BICD1: variants seen among roughly 807,000 people sequenced by gnomAD.
BICD1 encodes BICD cargo adaptor 1.
BICD1 carries 35 observed loss-of-function variants against 92.5 expected under a neutral mutation model. The observed-to-expected ratio is 0.38, with a 90% CI of 0.29 to 0.50. BICD1 has a LOEUF of 0.50. Among genes scored for constraint, BICD1 ranks in the 20% least tolerant of loss-of-function variants. BICD1 has a pLI of 0.93. For synonymous variants in BICD1, 429 were observed against 465.1 expected (o/e 0.92, Z 1.00); for missense variants, 950 against 1,189.8 (o/e 0.80, Z 2.97).
At chr12:32,360,636 T>C (rs574129269) in intron 8 of BICD1, among the ~76,000 whole-genome samples, 38 of 152,322 alleles carry the variant, frequency 2.5e-4, no homozygotes, top group African/African-American at 8.9e-4. Context: ...CAGGCATTTT[T>C]TTTTAATATT....
intron 1 of BICD1, chr12:32,107,871 C>G: frequency 1.6e-6 from 1 of 613,886 alleles, no homozygotes; most frequent in Non-Finnish European, 2.9e-6. Context: ...TTCTCAAAAC[C>G]GCTGTTATCT....
At chr12:32,246,029 C>CAAAAAA (rs71068311) in intron 2 of BICD1, among the ~76,000 whole-genome samples, 7 of 44,088 alleles carry the variant, frequency 1.6e-4, no homozygotes, top group South Asian at 1.5e-3. Flanking sequence ...TACTCTGTCT[C>CAAAAAA]AAAAAAAAAA....
At chr12:32,112,836 A>G (rs1358218190) in intron 1 of BICD1, among the ~76,000 whole-genome samples, 1 of 152,184 alleles carries the variant, frequency 6.6e-6, no homozygotes, top group Non-Finnish European at 1.5e-5. Flanking sequence ...ATTTTTACTG[A>G]TAAGAAGATA....
At chr12:32,195,970 A>G (rs1256791391) in intron 1 of BICD1, among the ~76,000 whole-genome samples, 3 of 152,234 alleles carry the variant, frequency 2.0e-5, no homozygotes, top group Admixed American at 6.5e-5. Context: ...GCCCAATTTA[A>G]AAACGGACAA....
At chr12:32,128,871 C>T (rs1038343640) in intron 1 of BICD1, among the ~76,000 whole-genome samples, 1 of 152,062 alleles carries the variant, frequency 6.6e-6, no homozygotes, top group African/African-American at 2.4e-5. Flanking sequence ...CTCCCAGGTT[C>T]AAGCAACCCT....
intron 4 of BICD1, among the ~76,000 whole-genome samples, chr12:32,321,084 G>T (rs1229609899): frequency 6.6e-6 from 1 of 152,074 alleles, no homozygotes; most frequent in African/African-American, 2.4e-5. Flanking sequence ...CCAGCACTTT[G>T]GGAGGCCAAG....
intron 3 of BICD1, among the ~76,000 whole-genome samples, chr12:32,303,684 TACA>T (rs1428159423): frequency 1.3e-5 from 2 of 152,288 alleles, no homozygotes; most frequent in South Asian, 2.1e-4. Context: ...TAGAAGGCTG[TACA>T]ACAACAGAGG....
At chr12:32,245,712 TAA>T (rs1007544193) in intron 2 of BICD1, among the ~76,000 whole-genome samples, 1 of 152,090 alleles carries the variant, frequency 6.6e-6, no homozygotes, top group Non-Finnish European at 1.5e-5. Context: ...GTTACTAGGA[TAA>T]GTGTCCAATT....
intron 4 of BICD1, among the ~76,000 whole-genome samples, chr12:32,317,853 T>G (rs1388882494): frequency 6.6e-6 from 1 of 152,004 alleles, no homozygotes; most frequent in Non-Finnish European, 1.5e-5. Context: ...AGGTCTAACA[T>G]TTAAGTCTTT....
At position 32,364,875 on chromosome 12, in the gene BICD1, C is replaced by T. The variant is rs184550748; in HGVS notation, c.2765-2795C>T. Among the ~76,000 whole-genome samples, 7 of 152,206 alleles carry T rather than the reference C, an allele frequency of 4.6e-5. No homozygotes were observed. The East Asian group carries it at 1.4e-3, about 29-fold the overall frequency. On this transcript the variant is annotated intron_variant, in intron 8 of 9. Transcript: ENST00000652176. ...CTGAGGCAGGAGGATCACTTGAGCCCAGGCGTTGGATGCTGAAGTGAGCTA... is the reference window on the plus strand; with the variant it reads ...CTGAGGCAGGAGGATCACTTGAGCCTAGGCGTTGGATGCTGAAGTGAGCTA...
intron 4 of BICD1, among the ~76,000 whole-genome samples, chr12:32,307,767 AGATTGATT>A (rs766396531): frequency 6.6e-6 from 1 of 152,238 alleles, no homozygotes; most frequent in East Asian, 1.9e-4. Flanking sequence ...TAATATGACT[AGATTGATT>A]GAAACAGAAA....
intron 4 of BICD1, among the ~76,000 whole-genome samples, chr12:32,306,939 C>G (rs1323865721): frequency 7.2e-5 from 11 of 151,760 alleles, no homozygotes; most frequent in African/African-American, 2.7e-4. Flanking sequence ...ATCACTTGAA[C>G]CCGGGAGGTG....
Position 32,380,448 on chromosome 12 carries a change from CAG to C in BICD1, c.*2824_*2825del, listed in dbSNP as rs577487858. On this transcript the variant is annotated 3_prime_UTR_variant, in exon 10 of 10. Transcript: ENST00000652176. ...AAAAATACTGGCTAATTATTGCAAA[CAG>C]AGTGAGCAAAGATTAATGCTAACTA... 4.7e-4 allele frequency: 71 copies of C among 152,218 alleles called. No homozygotes were observed. Among genetic ancestry groups the C allele is most frequent in the African/African-American group, 1.7e-3 (70 of 41,536 alleles). The allele number at this position is 152,218 out of a possible 1,614,324, so 9.4% of individuals were successfully genotyped here.
intron 2 of BICD1, among the ~76,000 whole-genome samples, chr12:32,228,956 A>C (rs1826330537): frequency 6.6e-6 from 1 of 152,094 alleles, no homozygotes; most frequent in South Asian, 2.1e-4. Context: ...GGAGGTATAC[A>C]TTTTGGATCC....
chr12:32,333,843 T>C (rs917219570), intron 5 of BICD1, among the ~76,000 whole-genome samples: 1 of 152,228 alleles, frequency 6.6e-6, no homozygotes, highest in Non-Finnish European at 1.5e-5. Flanking sequence ...TTCAAACAAA[T>C]GTTTTAACTC....
chr12:32,115,012 CTCTTT>C (rs1002330133), intron 1 of BICD1, among the ~76,000 whole-genome samples: 15 of 151,436 alleles, frequency 9.9e-5, no homozygotes, highest in African/African-American at 2.4e-4. Context: ...GGTTTTTTTC[CTCTTT>C]TCTTTTGGTG....
intron 1 of BICD1, among the ~76,000 whole-genome samples, chr12:32,110,961 C>T (rs1278095624): frequency 6.6e-6 from 1 of 151,522 alleles, no homozygotes; most frequent in Admixed American, 6.6e-5. Flanking sequence ...ACGTTGTGCA[C>T]ATGTACCCTA....
At chr12:32,308,669 A>G (rs1274820836) in intron 4 of BICD1, among the ~76,000 whole-genome samples, 1 of 152,204 alleles carries the variant, frequency 6.6e-6, no homozygotes, top group Non-Finnish European at 1.5e-5. Context: ...AGGAATATAG[A>G]AAAATAACAG....
chr12:32,187,793 G>A (rs1032599964), intron 1 of BICD1, among the ~76,000 whole-genome samples: 1 of 152,200 alleles, frequency 6.6e-6, no homozygotes, highest in Admixed American at 6.5e-5. Context: ...TTTGGGTAAG[G>A]AATTCAGCAG....
Sources: allele counts gnomAD v4.1 joint callset (sites outside exome capture counted in the v4.1 genomes callset), GRCh38; gene constraint gnomAD v4.1.1; transcripts MANE v1.5; gene names NCBI Gene and HGNC (gene_info 2026-07-23, HGNC 2026-07-21).